KCNJ3: variants seen among roughly 807,000 people sequenced by gnomAD.
KCNJ3 encodes the protein G protein-activated inward rectifier potassium channel 1.
KCNJ3 carries 4 observed loss-of-function variants against 39.2 expected under a neutral mutation model. The observed-to-expected ratio is 0.10, with a 90% CI of 0.05 to 0.23. The LOEUF (loss-of-function observed/expected upper bound fraction) is 0.23. Ranked by LOEUF, KCNJ3 falls within the 10% of genes least tolerant of loss-of-function variation. KCNJ3 has a pLI of 1.00. For missense variants in KCNJ3, 276 were observed against 634.9 expected (o/e 0.43, Z 6.08); for synonymous variants, 230 against 237.4 (o/e 0.97, Z 0.29).
chr2:154,814,885 G>C (rs1046822941), intron 2 of KCNJ3, among the ~76,000 whole-genome samples: 1 of 152,098 alleles, frequency 6.6e-6, no homozygotes, highest in East Asian at 1.9e-4. Flanking sequence ...TAAGTTCTAA[G>C]AATAAAGTGG....
intron 2 of KCNJ3, among the ~76,000 whole-genome samples, chr2:154,817,244 C>T (rs1164006323): frequency 1.3e-5 from 2 of 152,182 alleles, no homozygotes; most frequent in Admixed American, 6.6e-5. Context: ...TCTCAAATCA[C>T]TTTATTTCAT....
intron 2 of KCNJ3, among the ~76,000 whole-genome samples, chr2:154,761,062 C>T (rs933225924): frequency 8.7e-4 from 117 of 133,836 alleles, no homozygotes; most frequent in Middle Eastern, 3.8e-3. Flanking sequence ...TTAATTTTTT[C>T]TTTTTTTTTT....
At chr2:154,761,529 A>G (rs1686046460) in intron 2 of KCNJ3, among the ~76,000 whole-genome samples, 1 of 152,194 alleles carries the variant, frequency 6.6e-6, no homozygotes, top group Non-Finnish European at 1.5e-5. Flanking sequence ...TTTTAGATTT[A>G]TTTAGGAGAA....
rs1166167652 is a variant in KCNJ3 at position 154,858,319 on chromosome 2, A to G, written c.*3006A>G. The G allele has an allele frequency of 2.0e-5, 3 of 152,194 alleles. No individual in the cohort carries two copies. Among genetic ancestry groups the G allele is most frequent in the African/African-American group, 7.2e-5 (3 of 41,452 alleles). 9.4% of individuals were successfully genotyped at this position (152,194 alleles called of 1,614,324 possible). On this transcript the variant is annotated 3_prime_UTR_variant, in exon 3 of 3. Transcript: ENST00000295101. ...TTGAAACTAAATTATGAAGTCTGAT[A>G]TATTTGGATAAAAATAAAGAATTGC...
In KCNJ3 at chr2:154,699,666, C is replaced by G; in HGVS notation, c.702+189C>G. 1 of 334,934 alleles carries G rather than the reference C, an allele frequency of 3.0e-6. No homozygotes were observed. The highest frequency in any genetic ancestry group is 4.3e-6 in the Non-Finnish European group (1 of 235,192). 20.7% of individuals were successfully genotyped at this position (334,934 alleles called of 1,614,324 possible). A position where few individuals can be genotyped will look rare whatever the true frequency, so the allele number is the denominator to read the frequency against. ...GGTTGACAGTTCTGTTCCTTTTCCA[C>G]TCACTCTCGTGCTCTTGTTTATATT... On this transcript the variant is annotated intron_variant, in intron 1 of 2. Transcript: ENST00000295101. The surrounding 1 kb of genome is among the most constrained non-coding windows in gnomAD (Gnocchi z 6.4).
Position 154,770,237 on chromosome 2 carries a change from C to T in KCNJ3, c.919+60418C>T, listed in dbSNP as rs999660366. Among the ~76,000 whole-genome samples the T allele has an allele frequency of 4.6e-5, 7 of 152,158 alleles. 1 individual carries two copies. The highest frequency in any genetic ancestry group is 1.0e-4 in the Non-Finnish European group (7 of 68,032). ...AGCACATAGCTTCCATTTAACTGCC[C>T]TCTGAACAATCTTCTTTGAAATCCC... On this transcript the variant is annotated intron_variant, in intron 2 of 2. Coordinates refer to ENST00000295101, the MANE Select transcript of KCNJ3 (RefSeq NM_002239.4).
At chr2:154,843,224 G>A (rs147027049) in intron 2 of KCNJ3, among the ~76,000 whole-genome samples, 2,445 of 152,220 alleles carry the variant, frequency 0.016, 37 homozygotes, top group South Asian at 0.04. Context: ...CTGAAATTCT[G>A]GGTTGAAAAT....
chr2:154,850,378 T>C (rs904656830), intron 2 of KCNJ3, among the ~76,000 whole-genome samples: 2 of 152,202 alleles, frequency 1.3e-5, no homozygotes, highest in African/African-American at 4.8e-5. Flanking sequence ...GGTACATGCA[T>C]GTTCTTAGAA....
Position 154,698,779 on chromosome 2 carries a change from T to C in KCNJ3, c.4T>C (p.Ser2Pro). The C allele has an allele frequency of 6.2e-7, 1 of 1,608,462 alleles. No homozygotes were observed. The highest frequency in any genetic ancestry group is 8.5e-7 in the Non-Finnish European group (1 of 1,175,660). The change falls in exon 1 of 3, where the codon TCT (serine) becomes CCT (proline). Residue 2 changes from serine (S) to proline (P), a missense_variant. Coordinates refer to ENST00000295101, the MANE Select transcript of KCNJ3 (RefSeq NM_002239.4). The stretch of plus-strand genomic sequence containing the variant: ...ATCTGGCTCGCCCCTTCGTATTATG[T>C]CTGCACTCCGAAGGAAATTTGGGGA... M[S>P]ALRRKFGDDY...
rs1687538476 is a variant in KCNJ3, at chr2:154,839,582, C to T, written c.920-15145C>T. 2.0e-5 allele frequency among the ~76,000 whole-genome samples: 3 copies of T among 152,170 alleles called. No individual in the cohort carries two copies. The South Asian group carries it at 6.2e-4, about 31-fold the overall frequency. The stretch of plus-strand genomic sequence containing the variant: ...TAAAAGCATTCCTATTTCTCCACAT[C>T]CTCTCCAGCATCTGTTGTTTCCTGA... On this transcript the variant is annotated intron_variant, in intron 2 of 2. Transcript: ENST00000295101.
intron 2 of KCNJ3, among the ~76,000 whole-genome samples, chr2:154,845,653 G>T (rs1687651744): frequency 6.6e-6 from 1 of 152,108 alleles, no homozygotes; most frequent in Non-Finnish European, 1.5e-5. Flanking sequence ...TCCACTGTTA[G>T]GTTAAAGGAA....
At chr2:154,783,952 T>C (rs1686483334) in intron 2 of KCNJ3, among the ~76,000 whole-genome samples, 1 of 152,198 alleles carries the variant, frequency 6.6e-6, no homozygotes, top group Admixed American at 6.5e-5. Context: ...TAATAGAGAA[T>C]TGATTCATAA....
intron 2 of KCNJ3, among the ~76,000 whole-genome samples, chr2:154,767,946 A>G (rs1476159321): frequency 6.6e-6 from 1 of 152,156 alleles, no homozygotes; most frequent in African/African-American, 2.4e-5. Flanking sequence ...AGTGATGGTG[A>G]GCATTTTTTC....
At chr2:154,826,368 CAAAT>C (rs1166823261) in intron 2 of KCNJ3, among the ~76,000 whole-genome samples, 1 of 152,170 alleles carries the variant, frequency 6.6e-6, no homozygotes, top group African/African-American at 2.4e-5. Context: ...TGGAAATTTT[CAAAT>C]ACTTATAAAC....
intron 2 of KCNJ3, among the ~76,000 whole-genome samples, chr2:154,773,477 A>T (rs576561883): frequency 6.6e-6 from 1 of 152,190 alleles, no homozygotes; most frequent in East Asian, 1.9e-4. Flanking sequence ...TTAGGGAGAG[A>T]TTTCATGATC....
chr2:154,849,546 C>T (rs545926699), intron 2 of KCNJ3, among the ~76,000 whole-genome samples: 17 of 152,178 alleles, frequency 1.1e-4, no homozygotes, highest in South Asian at 4.1e-4. Flanking sequence ...TTAGATAAAG[C>T]GTCCATGTTC....
intron 2 of KCNJ3, among the ~76,000 whole-genome samples, chr2:154,814,556 G>T (rs532206611): frequency 1.8e-4 from 27 of 152,110 alleles, no homozygotes; most frequent in Non-Finnish European, 2.8e-4. Context: ...AGAATCATTT[G>T]AACCTGGGAG....
At chr2:154,746,640 G>GTATATA (rs1432995710) in intron 2 of KCNJ3, among the ~76,000 whole-genome samples, 14 of 77,536 alleles carry the variant, frequency 1.8e-4, no homozygotes, top group Middle Eastern at 6.8e-3. Flanking sequence ...ATGTATATAT[G>GTATATA]TGTATATATA....
At chr2:154,780,661 C>T (rs1185083754) in intron 2 of KCNJ3, among the ~76,000 whole-genome samples, 2 of 152,056 alleles carry the variant, frequency 1.3e-5, no homozygotes, top group African/African-American at 2.4e-5. Flanking sequence ...GAGATATGGG[C>T]TACAGGGTAT....
Sources: allele counts gnomAD v4.1 joint callset (sites outside exome capture counted in the v4.1 genomes callset), GRCh38; gene constraint gnomAD v4.1.1; non-coding constraint Gnocchi (gnomAD v3.1); transcripts MANE v1.5; gene names NCBI Gene and HGNC (gene_info 2026-07-23, HGNC 2026-07-21).